The following ESCO1 variants were observed in gnomAD, a reference collection of about 807,000 sequenced individuals.
ESCO1 encodes N-acetyltransferase ESCO1.
Under a neutral mutation model 83.5 loss-of-function variants are expected in ESCO1, and 33 were observed. That is an observed-to-expected ratio of 0.40 (90% CI 0.30 to 0.53). ESCO1 has a LOEUF of 0.53. Ranked by LOEUF, ESCO1 falls within the 20% of genes least tolerant of loss-of-function variation. ESCO1 has a pLI of 0.63. For synonymous variants in ESCO1, 332 were observed against 324.3 expected, an observed-to-expected ratio of 1.02 and a Z score of -0.25; for missense variants, 855 against 968.0, an observed-to-expected ratio of 0.88 and a Z score of 1.55.
At chr18:21,560,557 G>C (rs2038169428) in intron 8 of ESCO1, among the ~76,000 whole-genome samples, 1 of 151,598 alleles carries the variant, frequency 6.6e-6, no homozygotes, top group African/African-American at 2.4e-5. Context: ...TGAAATCAAA[G>C]GAATTTTATT....
chr18:21,550,157 ATGT>A (rs1451030858), intron 8 of ESCO1, among the ~76,000 whole-genome samples: 1 of 152,104 alleles, frequency 6.6e-6, no homozygotes, highest in Admixed American at 6.5e-5. Context: ...TAACCCTAAG[ATGT>A]TGATTATGTC....
chr18:21,565,171 T>C lies in ESCO1; in HGVS notation c.1707-854A>G, dbSNP rs572823651. ...TTTCAGTAAAAAAACAAAAACTAATTTTCAGTAAAAAAAAGGCAACACTTA... is the reference window on the plus strand; with the variant it reads ...TTTCAGTAAAAAAACAAAAACTAATCTTCAGTAAAAAAAAGGCAACACTTA... On this transcript the variant is annotated intron_variant, in intron 6 of 11. Transcript: ENST00000269214. Among the ~76,000 whole-genome samples the C allele has an allele frequency of 2.0e-4, 30 of 152,038 alleles. 1 individual carries two copies. The South Asian group carries it at 6.2e-3, about 32-fold the overall frequency.
At position 21,588,137 on chromosome 18, in the gene ESCO1, G is replaced by C. The variant is rs190996045; in HGVS notation, c.-824-3697C>G. The stretch of plus-strand genomic sequence containing the variant: ...AAAAGCAAAACCCACAAGGTGGGTG[G>C]ATTTGTCCTATCAGATATCAAGATT... On this transcript the variant is annotated intron_variant, in intron 1 of 11. Transcript: ENST00000269214. 2.5e-4 allele frequency among the ~76,000 whole-genome samples: 38 copies of C among 151,072 alleles called. No homozygotes were observed. In the East Asian group the frequency reaches 6.2e-3, roughly 25 times the overall value.
intron 10 of ESCO1, among the ~76,000 whole-genome samples, chr18:21,532,979 C>A (rs554532243): frequency 1.3e-5 from 2 of 152,238 alleles, no homozygotes; most frequent in Admixed American, 1.3e-4. Context: ...GGAGCCCCCC[C>A]AATAGGAACT....
chr18:21,592,190 C>A (rs2038680699), intron 1 of ESCO1, among the ~76,000 whole-genome samples: 1 of 149,896 alleles, frequency 6.7e-6, no homozygotes, highest in Non-Finnish European at 1.5e-5. Context: ...GTTGGGCACA[C>A]CTCCCAGACG....
At chr18:21,575,575 C>T (rs777173483) in intron 3 of ESCO1, 97 bp downstream of exon 3, 3 of 398,046 alleles carry the variant, frequency 7.5e-6, no homozygotes, top group Admixed American at 8.8e-5. Flanking sequence ...GCTAACAGAA[C>T]GAAGTATCCC....
intron 1 of ESCO1, among the ~76,000 whole-genome samples, chr18:21,599,045 A>T (rs1271247904): frequency 6.6e-6 from 1 of 151,814 alleles, no homozygotes; most frequent in Non-Finnish European, 1.5e-5. Flanking sequence ...TGCTTTTCAA[A>T]AAAAAAAAAA....
At chr18:21,543,532 T>G (rs568022523) in intron 8 of ESCO1, among the ~76,000 whole-genome samples, 53 of 152,292 alleles carry the variant, frequency 3.5e-4, no homozygotes, top group African/African-American at 1.3e-3. Flanking sequence ...GGATTACAAT[T>G]GGAAACAAAA....
At chr18:21,588,511 T>C (rs995925062) in intron 1 of ESCO1, among the ~76,000 whole-genome samples, 2 of 151,978 alleles carry the variant, frequency 1.3e-5, no homozygotes, top group Non-Finnish European at 2.9e-5. Context: ...CCAAATGGAC[T>C]GACTACAGAC....
chr18:21,556,601 T>G (rs551602410), intron 8 of ESCO1, among the ~76,000 whole-genome samples: 1 of 152,324 alleles, frequency 6.6e-6, no homozygotes, highest in South Asian at 2.1e-4. Flanking sequence ...TTTTAAGCAC[T>G]GGATAGTACG....
rs775118502 is a variant in ESCO1, at chr18:21,564,289, T to C, written c.1735A>G (p.Lys579Glu). The C allele has an allele frequency of 1.9e-6, 3 of 1,611,560 alleles. No homozygotes were observed. The highest frequency in any genetic ancestry group is 1.1e-5 in the South Asian group (1 of 90,442). The change falls in exon 7 of 12, where the codon AAG (lysine) becomes GAG (glutamate). Residue 579 changes from lysine to glutamate, a missense_variant. Transcript: ENST00000269214. Reference protein sequence around the residue: ...RETPRNHSLPKCNSHLEITIP... With the variant: ...RETPRNHSLPECNSHLEITIP... ...GTTATCTCCAAATGGGAATTACACT[T>C]AGGCAAAGAATGATTTCGTGGTGTC...
intron 7 of ESCO1, among the ~76,000 whole-genome samples, chr18:21,563,170 C>G (rs555357915): frequency 7.7e-4 from 117 of 151,966 alleles, no homozygotes; most frequent in Non-Finnish European, 7.4e-4. Context: ...TGCACCTGGA[C>G]AAGTTCCATG....
chr18:21,536,547 C>T (rs1483616373), intron 9 of ESCO1, among the ~76,000 whole-genome samples: 6 of 148,708 alleles, frequency 4.0e-5, no homozygotes, highest in South Asian at 2.1e-4. Flanking sequence ...GCCGAGATTG[C>T]GCCGTTGCAC....
At chr18:21,534,692 A>AT (rs2037810964) in intron 10 of ESCO1, among the ~76,000 whole-genome samples, 1 of 147,970 alleles carries the variant, frequency 6.8e-6, no homozygotes, top group African/African-American at 2.5e-5. Context: ...CAGTGGCATG[A>AT]TATTAGCTCA....
At chr18:21,578,680 T>G (rs1438732848) in intron 2 of ESCO1, among the ~76,000 whole-genome samples, 2 of 151,430 alleles carry the variant, frequency 1.3e-5, no homozygotes, top group Admixed American at 1.3e-4. Context: ...CAGAGCAAGA[T>G]CTACCACGAA....
intron 8 of ESCO1, among the ~76,000 whole-genome samples, chr18:21,543,247 C>T (rs1384648268): frequency 6.6e-6 from 1 of 152,062 alleles, no homozygotes; most frequent in African/African-American, 2.4e-5. Context: ...CTCCGCCTCC[C>T]GGGTTCAAGC....
chr18:21,570,973 C>T (rs2038332766), intron 4 of ESCO1, among the ~76,000 whole-genome samples: 1 of 139,608 alleles, frequency 7.2e-6, no homozygotes, highest in African/African-American at 2.7e-5. Flanking sequence ...GAGACTTCAT[C>T]TCAAAAAAAA....
At chr18:21,566,679 A>G (rs1242961074) in intron 5 of ESCO1, among the ~76,000 whole-genome samples, 2 of 151,978 alleles carry the variant, frequency 1.3e-5, no homozygotes, top group African/African-American at 4.8e-5. Flanking sequence ...TGGCCAACAT[A>G]GGGAAACCCT....
chr18:21,600,126 CG>C (rs2038821539), intron 1 of ESCO1, among the ~76,000 whole-genome samples: 1 of 152,264 alleles, frequency 6.6e-6, no homozygotes, highest in Non-Finnish European at 1.5e-5. Context: ...AGGCTCAGGC[CG>C]GGTCAGCGGG....
Sources: allele counts gnomAD v4.1 joint callset (sites outside exome capture counted in the v4.1 genomes callset), GRCh38; gene constraint gnomAD v4.1.1; transcripts MANE v1.5; gene names NCBI Gene and HGNC (gene_info 2026-07-23, HGNC 2026-07-21).